COLGALT2: variants seen among roughly 807,000 people sequenced by gnomAD.
The protein encoded by COLGALT2 is collagen beta(1-O)galactosyltransferase 2.
In COLGALT2, 49 loss-of-function variants were observed where a neutral mutation model predicts 73.4. The observed-to-expected ratio is 0.67, with a 90% CI of 0.53 to 0.85. COLGALT2 has a LOEUF of 0.85. Among genes scored for constraint, COLGALT2 ranks in the 40% least tolerant of loss-of-function variants. The pLI, the probability that COLGALT2 is intolerant of heterozygous loss-of-function variation, is 0.00. For synonymous variants in COLGALT2, 295 were observed against 307.6 expected (o/e 0.96, Z 0.43); for missense variants, 722 against 790.2 (o/e 0.91, Z 1.03).
intron 8 of COLGALT2, 82 bp downstream of exon 8, chr1:183,950,925 C>A: frequency 7.9e-6 from 8 of 1,018,418 alleles, no homozygotes; most frequent in African/African-American, 3.2e-5. Flanking sequence ...GACTTAGAGC[C>A]CCACCTGGGA....
chr1:183,996,932 G>T (rs1022135772), intron 1 of COLGALT2, among the ~76,000 whole-genome samples: 2 of 152,202 alleles, frequency 1.3e-5, no homozygotes, highest in African/African-American at 2.4e-5. Context: ...CTTATCGAAA[G>T]AATTTCGATG....
intron 1 of COLGALT2, among the ~76,000 whole-genome samples, chr1:184,011,855 C>A (rs1648809821): frequency 6.6e-6 from 1 of 152,154 alleles, no homozygotes; most frequent in Admixed American, 6.5e-5. Context: ...TGTAACTGAC[C>A]AGCAGGGTTT....
At chr1:184,015,173 A>T (rs943450815) in intron 1 of COLGALT2, among the ~76,000 whole-genome samples, 4 of 152,202 alleles carry the variant, frequency 2.6e-5, no homozygotes, top group African/African-American at 9.6e-5. Context: ...TGAAGACCAA[A>T]GGAAACTTTG....
At chr1:183,942,237 T>C (rs944785423) in intron 10 of COLGALT2, among the ~76,000 whole-genome samples, 1 of 152,132 alleles carries the variant, frequency 6.6e-6, no homozygotes, top group Non-Finnish European at 1.5e-5. Context: ...CGTGAGCCAC[T>C]GCGCCCAGCC....
chr1:183,986,021 A>G (rs550141676), intron 1 of COLGALT2, among the ~76,000 whole-genome samples: 1 of 152,368 alleles, frequency 6.6e-6, no homozygotes, highest in Admixed American at 6.5e-5. Context: ...AAGAAAGGTC[A>G]TATCATCGAG....
rs1649733417 is a variant in COLGALT2 at position 184,037,500 on chromosome 1, A to C, written c.-143T>G. The C allele has an allele frequency of 8.6e-7, 1 of 1,167,114 alleles. No homozygotes were observed. The highest frequency in any genetic ancestry group is 1.1e-6 in the Non-Finnish European group (1 of 947,850). 72.3% of individuals were successfully genotyped at this position (1,167,114 alleles called of 1,614,324 possible). ...CTTGCCGCGGCCGGCCGGCTCACAC[A>C]CTGGCCTCGGCGGCTGCGGTTCCCA... On this transcript the variant is annotated 5_prime_UTR_variant, in exon 1 of 12. Transcript: ENST00000361927.
chr1:183,929,850 G>T (rs966967170), downstream of COLGALT2: 1 of 163,144 alleles, frequency 6.1e-6, no homozygotes, highest in African/African-American at 2.4e-5. Context: ...AACAAACCAA[G>T]AAATTTCAAC....
intron 3 of COLGALT2, among the ~76,000 whole-genome samples, chr1:183,973,985 C>G (rs1671123491): frequency 1.3e-5 from 2 of 152,204 alleles, no homozygotes; most frequent in African/African-American, 4.8e-5. Context: ...TAAATTGGTG[C>G]TGCCATACTG....
chr1:183,964,309 G>T (rs149430691), intron 5 of COLGALT2: 136 of 397,906 alleles, frequency 3.4e-4, no homozygotes, highest in African/African-American at 2.7e-3. Context: ...AAAAAGGCAT[G>T]AAAGGATCAA....
intron 1 of COLGALT2, among the ~76,000 whole-genome samples, chr1:183,997,094 A>G (rs1671791535): frequency 6.6e-6 from 1 of 152,222 alleles, no homozygotes; most frequent in African/African-American, 2.4e-5. Context: ...TCTGGCCACA[A>G]GCCCACCATC....
intron 1 of COLGALT2, among the ~76,000 whole-genome samples, chr1:184,005,390 T>C (rs1225377356): frequency 6.6e-6 from 1 of 152,176 alleles, no homozygotes; most frequent in Non-Finnish European, 1.5e-5. Flanking sequence ...TCTCTTGCCA[T>C]AGTACTTCTT....
chr1:184,037,078 G>T lies in COLGALT2; in HGVS notation c.263+17C>A. On this transcript the variant is annotated intron_variant, in intron 1 of 11. Transcript: ENST00000361927. ...CCCGCGTCCCGCCGCGGCGGCCCGG[G>T]GCCCGTGCGCGCTCACCAGATGGCC... 1.9e-6 allele frequency: 3 copies of T among 1,539,746 alleles called. No homozygotes were observed. The highest frequency in any genetic ancestry group is 2.6e-6 in the Non-Finnish European group (3 of 1,150,124).
chr1:183,964,201 CAT>C (rs1670801698), intron 5 of COLGALT2, 181 bp from the exon 6 acceptor site: 1 of 513,654 alleles, frequency 1.9e-6, no homozygotes, highest in African/African-American at 2.0e-5. Context: ...TAAAACACAG[CAT>C]TGGGGACTAA....
intron 6 of COLGALT2, among the ~76,000 whole-genome samples, chr1:183,956,999 C>G (rs1408674707): frequency 1.3e-5 from 2 of 152,098 alleles, no homozygotes; most frequent in African/African-American, 4.8e-5. Flanking sequence ...GATCTGGTCT[C>G]TCATTAAATC....
At chr1:184,015,891 A>G (rs890775158) in intron 1 of COLGALT2, among the ~76,000 whole-genome samples, 1 of 152,258 alleles carries the variant, frequency 6.6e-6, no homozygotes, top group African/African-American at 2.4e-5. Flanking sequence ...GTGGCAAACT[A>G]TTAAATATTA....
intron 5 of COLGALT2, chr1:183,964,431 A>G (rs1374233693): frequency 4.7e-6 from 1 of 211,728 alleles, no homozygotes; most frequent in Non-Finnish European, 9.3e-6. Flanking sequence ...GAAAGCAAAC[A>G]GGAAAATTCT....
At chr1:183,954,932 T>G (rs1670512292) in intron 6 of COLGALT2, 94 bp from the exon 7 acceptor site, 1 of 988,822 alleles carries the variant, frequency 1.0e-6, no homozygotes, top group Admixed American at 1.9e-5. Context: ...GGTTGGAATA[T>G]AACTTGGAAA....
chr1:183,996,367 C>T (rs1395677384), intron 1 of COLGALT2, among the ~76,000 whole-genome samples: 2 of 152,058 alleles, frequency 1.3e-5, no homozygotes, highest in Non-Finnish European at 2.9e-5. Context: ...AAAGACAAGG[C>T]GATTTAAAGG....
intron 1 of COLGALT2, among the ~76,000 whole-genome samples, chr1:183,995,319 T>C (rs57682657): frequency 0.012 from 1,836 of 152,372 alleles, 37 homozygotes; most frequent in African/African-American, 0.041. Context: ...GCAAAAGTGA[T>C]TTTTGAACTC....
Sources: allele counts gnomAD v4.1 joint callset (sites outside exome capture counted in the v4.1 genomes callset), GRCh38; gene constraint gnomAD v4.1.1; transcripts MANE v1.5; gene names NCBI Gene and HGNC (gene_info 2026-07-23, HGNC 2026-07-21).